The following ETV6 variants were observed in gnomAD, a reference collection of about 807,000 sequenced individuals.
ETV6 encodes the protein ETS variant transcription factor 6.
A neutral mutation model predicts 51.1 loss-of-function variants in ETV6; 16 were observed. The observed-to-expected ratio is 0.31, with a 90% CI of 0.21 to 0.48. The LOEUF (loss-of-function observed/expected upper bound fraction) is 0.48. Among genes scored for constraint, ETV6 ranks in the 20% least tolerant of loss-of-function variants. ETV6 has a pLI of 0.99. For missense variants in ETV6, 458 were observed against 594.8 expected, an observed-to-expected ratio of 0.77 and a Z score of 2.39; for synonymous variants, 240 against 224.1, an observed-to-expected ratio of 1.07 and a Z score of -0.64.
At chr12:11,839,031 A>G in intron 2 of ETV6, 109 bp from the exon 3 acceptor site, 1 of 1,160,450 alleles carries the variant, frequency 8.6e-7, no homozygotes, top group Admixed American at 2.6e-5. Context: ...GGCTCTTGAG[A>G]TGTGGAGACT....
intron 1 of ETV6, among the ~76,000 whole-genome samples, chr12:11,744,389 TC>T (rs1565508463): frequency 6.6e-6 from 1 of 152,212 alleles, no homozygotes; most frequent in Non-Finnish European, 1.5e-5. Context: ...AGTACCTGTT[TC>T]TTCTGCTGTT....
intron 1 of ETV6, among the ~76,000 whole-genome samples, chr12:11,677,432 ACT>A (rs753805464): frequency 3.1e-4 from 47 of 152,062 alleles, no homozygotes; most frequent in Middle Eastern, 3.4e-3. Flanking sequence ...ACACACATAC[ACT>A]CTGTCTTTGG....
intron 1 of ETV6, among the ~76,000 whole-genome samples, chr12:11,666,477 A>C (rs1051874160): frequency 1.3e-5 from 2 of 152,198 alleles, no homozygotes; most frequent in African/African-American, 4.8e-5. Flanking sequence ...TTTACAGTGG[A>C]TAGCCCAGTG....
At chr12:11,801,722 A>AGGAAT (rs879675094) in intron 2 of ETV6, among the ~76,000 whole-genome samples, 2,262 of 152,300 alleles carry the variant, frequency 0.015, 68 homozygotes, top group East Asian at 0.13. Context: ...CTCAGATATG[A>AGGAAT]CGAATCAAAC....
intron 2 of ETV6, among the ~76,000 whole-genome samples, chr12:11,816,937 C>T (rs1304041233): frequency 6.6e-6 from 1 of 152,220 alleles, no homozygotes; most frequent in Admixed American, 6.5e-5. Flanking sequence ...TGTTCACAGT[C>T]CCAAGCCAGG....
chr12:11,867,833 G>A (rs1025917124), intron 4 of ETV6, among the ~76,000 whole-genome samples: 1 of 152,212 alleles, frequency 6.6e-6, no homozygotes, highest in African/African-American at 2.4e-5. Flanking sequence ...GATGTGGCCA[G>A]AGAGAGTTCA....
intron 2 of ETV6, among the ~76,000 whole-genome samples, chr12:11,821,281 G>T (rs757284150): frequency 6.6e-6 from 1 of 152,174 alleles, no homozygotes; most frequent in Non-Finnish European, 1.5e-5. Context: ...TGGGAAAATG[G>T]TGTGAACCCG....
chr12:11,842,835 G>A (rs774937501), intron 3 of ETV6, among the ~76,000 whole-genome samples: 11 of 152,188 alleles, frequency 7.2e-5, no homozygotes, highest in Non-Finnish European at 1.5e-4. Context: ...GGATCAGTGA[G>A]ATCAAAATAA....
intron 5 of ETV6, among the ~76,000 whole-genome samples, chr12:11,877,122 A>T (rs1946999338): frequency 6.6e-6 from 1 of 152,176 alleles, no homozygotes; most frequent in African/African-American, 2.4e-5. Flanking sequence ...TCAATTAGGG[A>T]AGCCTCTGAA....
intron 2 of ETV6, among the ~76,000 whole-genome samples, chr12:11,813,558 A>G (rs949074006): frequency 2.0e-5 from 3 of 152,150 alleles, no homozygotes; most frequent in Admixed American, 1.3e-4. Flanking sequence ...TTGGTGGCTC[A>G]GTACTGTGTG....
At chr12:11,888,402 T>TC (rs1212288656) in intron 7 of ETV6, among the ~76,000 whole-genome samples, 6 of 141,382 alleles carry the variant, frequency 4.2e-5, no homozygotes, top group Admixed American at 6.9e-5. Flanking sequence ...TCTTTTCTTT[T>TC]TTTTTTTTTT....
intron 2 of ETV6, among the ~76,000 whole-genome samples, chr12:11,781,342 C>T (rs1945411036): frequency 6.6e-6 from 1 of 152,160 alleles, no homozygotes; most frequent in Non-Finnish European, 1.5e-5. Flanking sequence ...CCTTTTCGTC[C>T]CGTTCTTGGA....
intron 3 of ETV6, among the ~76,000 whole-genome samples, chr12:11,843,760 G>T (rs553691300): frequency 4.3e-4 from 65 of 152,162 alleles, no homozygotes; most frequent in African/African-American, 1.5e-3. Context: ...CTACTTCCAG[G>T]ACAAGAATCC....
chr12:11,732,911 A>G (rs1190448873), intron 1 of ETV6, among the ~76,000 whole-genome samples: 1 of 152,208 alleles, frequency 6.6e-6, no homozygotes, highest in East Asian at 1.9e-4. Flanking sequence ...TGTCACTTTC[A>G]TTCTTACTCC....
intron 2 of ETV6, among the ~76,000 whole-genome samples, chr12:11,782,045 A>G (rs1447080828): frequency 6.6e-6 from 1 of 152,218 alleles, no homozygotes; most frequent in Non-Finnish European, 1.5e-5. Context: ...TAAATGACAC[A>G]TTATCATTTT....
intron 1 of ETV6, among the ~76,000 whole-genome samples, chr12:11,696,012 A>T (rs868074147): frequency 6.6e-6 from 1 of 151,928 alleles, no homozygotes; most frequent in African/African-American, 2.4e-5. Flanking sequence ...GGGAGGGGAG[A>T]TGATAGGTGT....
chr12:11,656,048 CTCT>C (rs1374205562), intron 1 of ETV6, among the ~76,000 whole-genome samples: 5 of 152,168 alleles, frequency 3.3e-5, no homozygotes, highest in Non-Finnish European at 5.9e-5. Flanking sequence ...CTTCCTCCTC[CTCT>C]TCTTCTTCCT....
chr12:11,665,535 C>T (rs1864176753), intron 1 of ETV6, among the ~76,000 whole-genome samples: 1 of 152,214 alleles, frequency 6.6e-6, no homozygotes, highest in Non-Finnish European at 1.5e-5. Context: ...TTTATATTTC[C>T]AGTGTCCAGC....
intron 1 of ETV6, among the ~76,000 whole-genome samples, chr12:11,713,152 T>C (rs1278901926): frequency 1.3e-5 from 2 of 152,192 alleles, no homozygotes; most frequent in Admixed American, 6.5e-5. Context: ...TATGTGATCA[T>C]GGGCAAGTGA....
Sources: allele counts gnomAD v4.1 joint callset (sites outside exome capture counted in the v4.1 genomes callset), GRCh38; gene constraint gnomAD v4.1.1; transcripts MANE v1.5; gene names NCBI Gene and HGNC (gene_info 2026-07-23, HGNC 2026-07-21).